Variants in FIGNL2 observed in about 807,000 individuals in gnomAD.
The protein encoded by FIGNL2 is fidgetin like 2, also known as fidgetin-like protein 2.
For missense variants in FIGNL2, 1,060 were observed against 950.2 expected, an observed-to-expected ratio of 1.12 and a Z score of -1.52; for synonymous variants, 565 against 484.0, an observed-to-expected ratio of 1.17 and a Z score of -2.20.
chr12:51,834,256 C>T (rs1330785341), intron 1 of FIGNL2, among the ~76,000 whole-genome samples: 2 of 151,804 alleles, frequency 1.3e-5, no homozygotes, highest in African/African-American at 2.4e-5. Flanking sequence ...CAGGGGCTCA[C>T]CTCAGGAATG....
chr12:51,827,796 G>A (rs1012923604), intron 1 of FIGNL2, among the ~76,000 whole-genome samples: 1 of 152,194 alleles, frequency 6.6e-6, no homozygotes, highest in Non-Finnish European at 1.5e-5. Flanking sequence ...CCCAAGCACT[G>A]TGTACAGAAC....
intron 1 of FIGNL2, chr12:51,848,164 C>G: frequency 1.0e-6 from 1 of 984,910 alleles, no homozygotes; most frequent in Non-Finnish European, 1.2e-6. Flanking sequence ...GCTCCGGACG[C>G]TGGATCCTTC....
chr12:51,820,580 G>A lies in FIGNL2; in HGVS notation c.1834C>T (p.Pro612Ser). 5 of 1,528,078 alleles carry A rather than the reference G, an allele frequency of 3.3e-6. No individual in the cohort carries two copies. The highest frequency in any genetic ancestry group is 4.4e-6 in the Non-Finnish European group (5 of 1,144,048). The allele number at this position is 1,528,078 out of a possible 1,614,324, so 94.7% of individuals were successfully genotyped here. ...CQQAAAGAGL[P>S]GLQRPLSYKD... Reference sequence around the variant, plus strand: ...TAGGAGAGGGGGCGCTGCAGCCCCGGGAGGCCCGCCCCGGCCGCCGCCTGC... The same window carrying A: ...TAGGAGAGGGGGCGCTGCAGCCCCGAGAGGCCCGCCCCGGCCGCCGCCTGC... Residue 612 changes from proline (P) to serine (S), a missense_variant, in exon 2 of 2, where the codon CCG becomes TCG. Transcript: ENST00000618634.
chr12:51,830,637 G>A (rs1002349384), intron 1 of FIGNL2, among the ~76,000 whole-genome samples: 31 of 150,406 alleles, frequency 2.1e-4, no homozygotes, highest in African/African-American at 5.6e-4. Context: ...GATTACAGGC[G>A]CCCACCACTA....
chr12:51,836,226 G>GCCTGTCT (rs1939576657), intron 1 of FIGNL2, among the ~76,000 whole-genome samples: 1 of 152,084 alleles, frequency 6.6e-6, no homozygotes, highest in East Asian at 1.9e-4. Context: ...CCCCAGCCCC[G>GCCTGTCT]CCTGTCTGCC....
At chr12:51,826,774 C>T (rs1041038667) in intron 1 of FIGNL2, among the ~76,000 whole-genome samples, 1 of 152,112 alleles carries the variant, frequency 6.6e-6, no homozygotes, top group Non-Finnish European at 1.5e-5. Context: ...GCCAAAGGAC[C>T]AGCCCCAACC....
At chr12:51,829,201 C>T (rs1032804615) in intron 1 of FIGNL2, among the ~76,000 whole-genome samples, 2 of 152,238 alleles carry the variant, frequency 1.3e-5, no homozygotes, top group Non-Finnish European at 2.9e-5. Context: ...CCATTGTCGG[C>T]CTCCCTTATG....
At chr12:51,837,935 A>G (rs1327318689) in intron 1 of FIGNL2, 1 of 152,172 alleles carries the variant, frequency 6.6e-6, no homozygotes, top group Non-Finnish European at 1.5e-5. Context: ...GTTAAGAAGG[A>G]TTCTCTTTTA....
At chr12:51,846,752 C>T (rs927385803) in intron 1 of FIGNL2, among the ~76,000 whole-genome samples, 22 of 152,284 alleles carry the variant, frequency 1.4e-4, no homozygotes, top group Admixed American at 4.6e-4. Flanking sequence ...GGAATCCCCC[C>T]GAGGAATGCG....
At chr12:51,834,096 G>GACA (rs1391407662) in intron 1 of FIGNL2, among the ~76,000 whole-genome samples, 1 of 141,442 alleles carries the variant, frequency 7.1e-6, no homozygotes, top group African/African-American at 2.7e-5. Flanking sequence ...CAGACGGATG[G>GACA]GTGGATGGAT....
In FIGNL2 at chr12:51,848,559, C is replaced by T; in HGVS notation, c.-31G>A. On this transcript the variant is annotated 5_prime_UTR_variant, in exon 1 of 2. Transcript: ENST00000618634. ...CCGTACCTCGGCATCACGGCCGGGT[C>T]CTAGGTGAGTGTGCGCGGCCTGGGG... The T allele has an allele frequency of 2.0e-6, 2 of 984,408 alleles. No homozygotes were observed. Among genetic ancestry groups the T allele is most frequent in the Non-Finnish European group, 2.4e-6 (2 of 829,460 alleles). The allele number at this position is 984,408 out of a possible 1,614,324, so 61.0% of individuals were successfully genotyped here.
At position 51,820,940 on chromosome 12, in the gene FIGNL2, C is replaced by A. The variant is rs1939163297; in HGVS notation, c.1474G>T (p.Glu492Ter). ...CGGGCGGGGAGCAGCGCCTCTAGCT[C>A]GCTGATGAGGAGTACGGAGGGTGGG... is the stretch of plus-strand genomic sequence containing the variant. ...CRPPSVLLISELEALLPARDD... is the reference protein window; with the variant it reads ...CRPPSVLLIS Residue 492 changes from glutamate to a stop codon, truncating the protein, a stop_gained, in exon 2 of 2, where the codon GAG becomes TAG. Coordinates refer to ENST00000618634, the MANE Select transcript of FIGNL2 (RefSeq NM_001384995.1). LOFTEE classifies it low-confidence loss of function (END_TRUNC). The A allele has an allele frequency of 1.5e-6, 2 of 1,305,574 alleles. No individual in the cohort carries two copies. Among genetic ancestry groups the A allele is most frequent in the Admixed American group, 4.2e-5 (1 of 23,582 alleles). 80.9% of individuals were successfully genotyped at this position (1,305,574 alleles called of 1,614,324 possible).
At chr12:51,826,962 G>T (rs1939358765) in intron 1 of FIGNL2, among the ~76,000 whole-genome samples, 1 of 152,224 alleles carries the variant, frequency 6.6e-6, no homozygotes, top group Admixed American at 6.5e-5. Context: ...TCATGCCTGT[G>T]CCTGGCACGC....
rs151048822 is a variant in FIGNL2, at chr12:51,822,837, G to A, written c.-11-413C>T. 9.2e-5 allele frequency among the ~76,000 whole-genome samples: 14 copies of A among 152,338 alleles called. No individual in the cohort carries two copies. In the East Asian group the frequency reaches 1.9e-3, roughly 21 times the overall value. ...CTCAAGTGAAGCTCGCTCAGTAAGAGATGTTTGTCACCTACCGTGTGCTGG... is the reference window on the plus strand; with the variant it reads ...CTCAAGTGAAGCTCGCTCAGTAAGAAATGTTTGTCACCTACCGTGTGCTGG... On this transcript the variant is annotated intron_variant, in intron 1 of 1. Coordinates refer to ENST00000618634, the MANE Select transcript of FIGNL2 (RefSeq NM_001384995.1).
chr12:51,837,120 G>A (rs1480580555), intron 1 of FIGNL2, among the ~76,000 whole-genome samples: 4 of 152,044 alleles, frequency 2.6e-5, no homozygotes, highest in Admixed American at 6.5e-5. Context: ...CTCTCCTCCC[G>A]TCTGCCTCTC....
chr12:51,821,515 T>C lies in FIGNL2; in HGVS notation c.899A>G (p.Asp300Gly). The change falls in exon 2 of 2, where the codon GAC becomes GGC. Residue 300 changes from aspartate (D) to glycine (G), a missense_variant. By Grantham distance (94) the Asp-to-Gly change is moderately conservative. Coordinates refer to ENST00000618634, the MANE Select transcript of FIGNL2 (RefSeq NM_001384995.1). Reference sequence around the variant, plus strand: ...CCCGTTGCCCCGACATTCGCCGTTGTCCGCGGCGGGGTAGGAGGCTCCGTC... The same window carrying C: ...CCCGTTGCCCCGACATTCGCCGTTGCCCGCGGCGGGGTAGGAGGCTCCGTC... Reference protein sequence around the residue: ...VADGASYPAADNGECRGNGFR... With the variant: ...VADGASYPAAGNGECRGNGFR... 1.3e-6 allele frequency: 2 copies of C among 1,568,214 alleles called. No homozygotes were observed. The highest frequency in any genetic ancestry group is 1.7e-6 in the Non-Finnish European group (2 of 1,165,890).
At chr12:51,826,328 T>C (rs538105747) in intron 1 of FIGNL2, among the ~76,000 whole-genome samples, 155 of 152,240 alleles carry the variant, frequency 1.0e-3, no homozygotes, top group African/African-American at 3.5e-3. Flanking sequence ...CTAGAGATCC[T>C]TTCAATAATC....
At chr12:51,833,690 C>G (rs1027591937) in intron 1 of FIGNL2, among the ~76,000 whole-genome samples, 2 of 152,202 alleles carry the variant, frequency 1.3e-5, no homozygotes, top group Non-Finnish European at 2.9e-5. Flanking sequence ...TTGCACCCTG[C>G]CTAGCATCAA....
At chr12:51,832,536 C>G (rs935176125) in intron 1 of FIGNL2, among the ~76,000 whole-genome samples, 1 of 152,066 alleles carries the variant, frequency 6.6e-6, no homozygotes, top group Non-Finnish European at 1.5e-5. Context: ...GACCTGCGCT[C>G]TCCTGGCCCC....
Sources: gnomAD v4.1 joint callset for allele counts (sites outside exome capture counted in the v4.1 genomes callset) on GRCh38, gnomAD v4.1.1 for gene constraint, MANE v1.5 for transcripts, NCBI Gene and HGNC (gene_info 2026-07-23, HGNC 2026-07-21) for gene names.